The following TMEM177 variants were observed in gnomAD, a reference collection of about 807,000 sequenced individuals.
The protein encoded by TMEM177 is transmembrane protein 177.
In TMEM177, 4 loss-of-function variants were observed where a neutral mutation model predicts 14.2. The observed-to-expected ratio is 0.28, with a 90% CI of 0.14 to 0.64. The LOEUF (loss-of-function observed/expected upper bound fraction) is 0.64, where lower values mean the gene tolerates loss of function less well. TMEM177 is among the 30% of genes least tolerant of loss of function. The pLI is 0.82. For synonymous variants in TMEM177, 179 were observed against 174.5 expected (o/e 1.03, Z -0.20); for missense variants, 344 against 405.2 (o/e 0.85, Z 1.30).
chr2:119,697,545 T>TCAAAA, the TMEM177 span, among the ~76,000 whole-genome samples: 3,970 of 152,230 alleles, frequency 0.026, 54 homozygotes, highest in Non-Finnish European at 0.032. Flanking sequence ...AGACTCTATC[T>TCAAAA]CAAAACAAAA....
rs940629529 is a variant in TMEM177, at chr2:119,680,916, G to A, written c.63G>A (p.Val21=). 1 of 1,614,218 alleles carries A rather than the reference G, an allele frequency of 6.2e-7. No homozygotes were observed. Among genetic ancestry groups the A allele is most frequent in the Admixed American group, 1.7e-5 (1 of 60,030 alleles). The change falls in exon 2 of 2, where the codon GTG becomes GTA. Residue 21 remains valine, a synonymous_variant. Transcript: ENST00000272521. The part of the protein sequence containing the change: ...FVQRHRTGLL[V]GSCAGLFGVP... ...AGAGACACAGGACAGGCCTCTTGGT[G>A]GGTTCCTGTGCAGGCCTGTTTGGAG...
At chr2:119,705,646 G>GTA in the TMEM177 span, among the ~76,000 whole-genome samples, 25 of 151,778 alleles carry the variant, frequency 1.6e-4, no homozygotes, top group African/African-American at 4.4e-4. Flanking sequence ...GTGTGTGTGT[G>GTA]TGTGTGTGTA....
the TMEM177 span, among the ~76,000 whole-genome samples, chr2:119,697,162 C>T: frequency 1.3e-5 from 2 of 152,214 alleles, no homozygotes; most frequent in Non-Finnish European, 2.9e-5. Flanking sequence ...AATTGAACCA[C>T]AACAAAACAC....
chr2:119,685,983 G>A (rs1178936435), downstream of TMEM177: 3 of 443,108 alleles, frequency 6.8e-6, no homozygotes, highest in East Asian at 4.1e-5. Context: ...GTTTAGTGCA[G>A]CAGGGGGAAC....
At chr2:119,719,985 G>A in the TMEM177 span, among the ~76,000 whole-genome samples, 17 of 151,862 alleles carry the variant, frequency 1.1e-4, no homozygotes, top group Non-Finnish European at 1.6e-4. Context: ...TGTAAAGATG[G>A]GGGTTTCCCT....
intron 1 of TMEM177, among the ~76,000 whole-genome samples, chr2:119,680,489 T>TG (rs1429083058): frequency 1.3e-5 from 2 of 152,288 alleles, no homozygotes; most frequent in East Asian, 3.9e-4. Flanking sequence ...ATGAGGCAGT[T>TG]GGAGTGCCGT....
chr2:119,699,851 G>T, the TMEM177 span: 1 of 409,152 alleles, frequency 2.4e-6, no homozygotes. Flanking sequence ...CAAGGTCAGT[G>T]GTCCAAAAAG....
At chr2:119,686,880 T>C (rs1407290156), downstream of TMEM177, among the ~76,000 whole-genome samples, 1 of 152,136 alleles carries the variant, frequency 6.6e-6, no homozygotes, top group African/African-American at 2.4e-5. Context: ...TACTGGTAAT[T>C]TTAAAATACT....
downstream of TMEM177, among the ~76,000 whole-genome samples, chr2:119,683,094 G>A (rs1330417689): frequency 6.6e-6 from 1 of 152,220 alleles, no homozygotes; most frequent in Non-Finnish European, 1.5e-5. Flanking sequence ...CACAGTGGTG[G>A]CAGGTCCTGG....
At chr2:119,691,837 C>G in the TMEM177 span, among the ~76,000 whole-genome samples, 1 of 152,214 alleles carries the variant, frequency 6.6e-6, no homozygotes, top group Non-Finnish European at 1.5e-5. Context: ...CTGAAAGGTC[C>G]CCATCACCTG....
chr2:119,713,605 C>G, the TMEM177 span, among the ~76,000 whole-genome samples: 1 of 152,208 alleles, frequency 6.6e-6, no homozygotes, highest in East Asian at 1.9e-4. Context: ...TTTGGGAGCC[C>G]GAGGCAGGAG....
the TMEM177 span, among the ~76,000 whole-genome samples, chr2:119,718,867 C>G: frequency 3.9e-5 from 6 of 152,136 alleles, no homozygotes. Flanking sequence ...GGGAAAGCCC[C>G]GATGTTTCCT....
Position 119,681,180 on chromosome 2 carries a change from T to G in TMEM177, c.327T>G (p.Ser109Arg). Residue 109 changes from serine (S) to arginine (R), a missense_variant, in exon 2 of 2, where the codon AGT becomes AGG. By Grantham distance (110) the Ser-to-Arg change is moderately radical (BLOSUM62 -1). Coordinates refer to ENST00000272521, the MANE Select transcript of TMEM177 (RefSeq NM_030577.3). Reference sequence around the variant, plus strand: ...GGGCTGTGGTGGGCATCCCTGCCAGTTTCTTGGGAGACCTAGTGATCAACA... The same window carrying G: ...GGGCTGTGGTGGGCATCCCTGCCAGGTTCTTGGGAGACCTAGTGATCAACA... ...PAGAVVGIPA[S>R]FLGDLVINTN... 6.2e-7 allele frequency: 1 copy of G among 1,614,230 alleles called. No homozygotes were observed.
chr2:119,694,637 C>A, the TMEM177 span, among the ~76,000 whole-genome samples: 1 of 152,186 alleles, frequency 6.6e-6, no homozygotes, highest in Non-Finnish European at 1.5e-5. Flanking sequence ...CTGCTCTGGC[C>A]GGTGGATTTC....
At chr2:119,700,461 C>T in the TMEM177 span, among the ~76,000 whole-genome samples, 143 of 152,324 alleles carry the variant, frequency 9.4e-4, no homozygotes, top group Non-Finnish European at 1.3e-3. Context: ...CATCTCCATA[C>T]GCCAAACAGG....
the TMEM177 span, among the ~76,000 whole-genome samples, chr2:119,722,760 G>C: frequency 2.0e-5 from 3 of 152,212 alleles, no homozygotes; most frequent in East Asian, 5.8e-4. Context: ...TGAGTTCCTG[G>C]GGGGTGAGTG....
the TMEM177 span, among the ~76,000 whole-genome samples, chr2:119,701,185 G>A: frequency 1.4e-4 from 21 of 152,204 alleles, no homozygotes; most frequent in Non-Finnish European, 2.6e-4. Flanking sequence ...CCAGGGAAGA[G>A]GTATGAGAGC....
chr2:119,694,289 CA>C, the TMEM177 span, among the ~76,000 whole-genome samples: 1 of 151,054 alleles, frequency 6.6e-6, no homozygotes, highest in South Asian at 2.1e-4. Flanking sequence ...ACCACACACA[CA>C]CACACACACA....
At chr2:119,712,417 T>C in the TMEM177 span, among the ~76,000 whole-genome samples, 42,481 of 151,838 alleles carry the variant, frequency 0.28, 6,156 homozygotes, top group African/African-American at 0.36. Flanking sequence ...GTAAGGCCTT[T>C]AAGGATGATT....
Sources: gnomAD v4.1 joint callset for allele counts (sites outside exome capture counted in the v4.1 genomes callset) on GRCh38, gnomAD v4.1.1 for gene constraint, MANE v1.5 for transcripts, NCBI Gene and HGNC (gene_info 2026-07-23, HGNC 2026-07-21) for gene names.